NCOA1: variants seen among roughly 807,000 people sequenced by gnomAD.
The protein encoded by NCOA1 is nuclear receptor coactivator 1.
In NCOA1, 35 loss-of-function variants were observed where a neutral mutation model predicts 150.9. That is an observed-to-expected ratio of 0.23 (90% CI 0.18 to 0.31). The LOEUF is 0.31. Ranked by LOEUF, NCOA1 falls within the 10% of genes least tolerant of loss-of-function variation. The pLI, the probability that NCOA1 is intolerant of heterozygous loss-of-function variation, is 1.00. For synonymous variants in NCOA1, 590 were observed against 630.0 expected (o/e 0.94, Z 0.95); for missense variants, 1,491 against 1,749.3 (o/e 0.85, Z 2.63).
Position 24,662,707 on chromosome 2 carries a change from T to C in NCOA1, c.90-3042T>C, listed in dbSNP as rs539650804. 3.3e-5 allele frequency among the ~76,000 whole-genome samples: 5 copies of C among 152,272 alleles called. No individual in the cohort carries two copies. In the South Asian group the frequency reaches 1.0e-3, roughly 32 times the overall value. On this transcript the variant is annotated intron_variant, in intron 5 of 22. Coordinates refer to ENST00000348332, the MANE Select transcript of NCOA1 (RefSeq NM_003743.5). The stretch of plus-strand genomic sequence containing the variant: ...GTTTTACAGATAAGGAAATCGAAGC[T>C]TAGAAAAGTTAACTTTCCACTAAGT...
intron 4 of NCOA1, among the ~76,000 whole-genome samples, chr2:24,645,633 T>G (rs1166481140): frequency 6.6e-6 from 1 of 152,150 alleles, no homozygotes. Flanking sequence ...CTGAAATGCT[T>G]GGGACTAGAA....
At chr2:24,732,400 A>G (rs1294062811) in intron 17 of NCOA1, among the ~76,000 whole-genome samples, 2 of 152,168 alleles carry the variant, frequency 1.3e-5, no homozygotes, top group East Asian at 3.9e-4. Flanking sequence ...ACTGCAAACT[A>G]AGACAGTAAC....
intron 11 of NCOA1, among the ~76,000 whole-genome samples, chr2:24,703,911 A>G (rs1249372144): frequency 6.6e-6 from 1 of 152,192 alleles, no homozygotes; most frequent in Non-Finnish European, 1.5e-5. Context: ...CATTTGTGGT[A>G]GTACTCAATC....
At chr2:24,721,513 A>G (rs567303815) in intron 14 of NCOA1, among the ~76,000 whole-genome samples, 1 of 152,352 alleles carries the variant, frequency 6.6e-6, no homozygotes, top group Admixed American at 6.5e-5. Flanking sequence ...TGATTATAGA[A>G]GCCCTACTTC....
At chr2:24,513,762 C>T (rs939470796) in intron 1 of NCOA1, among the ~76,000 whole-genome samples, 1 of 152,126 alleles carries the variant, frequency 6.6e-6, no homozygotes, top group Non-Finnish European at 1.5e-5. Context: ...TCAAACATTT[C>T]TAGTGTTTCA....
intron 11 of NCOA1, among the ~76,000 whole-genome samples, chr2:24,704,244 C>T (rs951312357): frequency 9.2e-5 from 14 of 152,192 alleles, no homozygotes; most frequent in African/African-American, 2.9e-4. Context: ...TAGTGATTCA[C>T]ATTCCTGAGT....
At chr2:24,536,283 C>T (rs771847700) in intron 1 of NCOA1, among the ~76,000 whole-genome samples, 5 of 152,214 alleles carry the variant, frequency 3.3e-5, no homozygotes, top group Admixed American at 6.5e-5. Context: ...GTTCTCGTGC[C>T]GTGGTTTTCA....
chr2:24,629,817 C>CATATAT (rs57598398), intron 3 of NCOA1, among the ~76,000 whole-genome samples: 150 of 79,320 alleles, frequency 1.9e-3, no homozygotes, highest in African/African-American at 5.3e-3. Flanking sequence ...AACATACATA[C>CATATAT]ATATATATAT....
rs537747854 is a variant in NCOA1 at position 24,633,785 on chromosome 2, A to C, written c.-174-10181A>C. Among the ~76,000 whole-genome samples, 6 of 152,334 alleles carry C rather than the reference A, an allele frequency of 3.9e-5. No individual in the cohort carries two copies. The South Asian group carries it at 1.0e-3, about 26-fold the overall frequency. On this transcript the variant is annotated intron_variant, in intron 3 of 22. Transcript: ENST00000348332. Reference sequence around the variant, plus strand: ...TTGGTAAACAGTTTGCCAGATGGCAAGTGGAGTTGGACATATGCAAATATT... The same window carrying C: ...TTGGTAAACAGTTTGCCAGATGGCACGTGGAGTTGGACATATGCAAATATT...
rs777712654 is a variant in NCOA1 at position 24,706,869 on chromosome 2, C to G, written c.1399C>G (p.Pro467Ala). 2 of 1,614,156 alleles carry G rather than the reference C, an allele frequency of 1.2e-6. No individual in the cohort carries two copies. Among genetic ancestry groups the G allele is most frequent in the South Asian group, 2.2e-5 (2 of 91,072 alleles). ...ACAGGCCAGTTCACAGAGCAGTAAT[C>G]CCTCTTTAAACCTCAATAATTCTCC... The part of the protein sequence containing the change: ...QGQASSQSSN[P>A]SLNLNNSPME... The change falls in exon 13 of 23, where the codon CCC (proline) becomes GCC (alanine). Residue 467 changes from proline (P) to alanine (A), a missense_variant. Coordinates refer to ENST00000348332, the MANE Select transcript of NCOA1 (RefSeq NM_003743.5).
At chr2:24,725,887 A>C (rs979157320) in intron 14 of NCOA1, among the ~76,000 whole-genome samples, 1 of 152,086 alleles carries the variant, frequency 6.6e-6, no homozygotes, top group African/African-American at 2.4e-5. Context: ...ATAATTCATT[A>C]ATCAGTCCCT....
chr2:24,762,582 G>A, intron 21 of NCOA1, 105 bp from the exon 22 acceptor site: 2 of 936,642 alleles, frequency 2.1e-6, no homozygotes, highest in South Asian at 1.4e-5. Context: ...CATTTTTGCT[G>A]TGCTCCTATT....
At chr2:24,550,828 G>T (rs1165230529) in intron 1 of NCOA1, among the ~76,000 whole-genome samples, 2 of 152,130 alleles carry the variant, frequency 1.3e-5, no homozygotes, top group Non-Finnish European at 1.5e-5. Flanking sequence ...GCTCTGATAG[G>T]CTGGGTGCAG....
intron 3 of NCOA1, among the ~76,000 whole-genome samples, chr2:24,586,046 G>A (rs977054313): frequency 6.6e-6 from 1 of 151,940 alleles, no homozygotes; most frequent in African/African-American, 2.4e-5. Context: ...AGGCTGAGGC[G>A]GGTGGATCAC....
At chr2:24,629,844 A>ATATATATG (rs1553439211) in intron 3 of NCOA1, among the ~76,000 whole-genome samples, 3 of 136,064 alleles carry the variant, frequency 2.2e-5, no homozygotes, top group Non-Finnish European at 3.1e-5. Context: ...ATATATATAT[A>ATATATATG]TATGTATTTT....
intron 17 of NCOA1, among the ~76,000 whole-genome samples, chr2:24,737,185 G>A (rs974162206): frequency 1.3e-5 from 2 of 152,144 alleles, no homozygotes; most frequent in Non-Finnish European, 2.9e-5. Flanking sequence ...TTTTGGGAAG[G>A]CTATGTTGGA....
intron 2 of NCOA1, among the ~76,000 whole-genome samples, chr2:24,570,970 A>G (rs75530025): frequency 0.017 from 2,656 of 152,344 alleles, 25 homozygotes; most frequent in Non-Finnish European, 0.027. Context: ...GGAAATTTTA[A>G]CACTGACAAG....
chr2:24,599,635 A>G (rs1668024916), intron 3 of NCOA1, among the ~76,000 whole-genome samples: 1 of 152,052 alleles, frequency 6.6e-6, no homozygotes, highest in Non-Finnish European at 1.5e-5. Context: ...TGACTTAAAT[A>G]TACTACATGT....
In NCOA1 at chr2:24,575,222, A is replaced by G. The variant is rs577108235; in HGVS notation, c.-259-9254A>G. On this transcript the variant is annotated intron_variant, in intron 2 of 22. Transcript: ENST00000348332. ...TTCATTTTGGAAATCTTCTATTGCT[A>G]TATCTTTAAGTTAACTAAGTGTTAA... 2.7e-3 allele frequency among the ~76,000 whole-genome samples: 411 copies of G among 152,034 alleles called. 1 individual carries two copies. Among genetic ancestry groups the G allele is most frequent in the South Asian group, 3.7e-3 (18 of 4,800 alleles).
Sources: allele counts gnomAD v4.1 joint callset (sites outside exome capture counted in the v4.1 genomes callset), GRCh38; gene constraint gnomAD v4.1.1; transcripts MANE v1.5; gene names NCBI Gene and HGNC (gene_info 2026-07-23, HGNC 2026-07-21).